The following FHIT variants were observed in gnomAD, a reference collection of about 807,000 sequenced individuals.
FHIT encodes fragile histidine triad diadenosine triphosphatase, also known as bis(5'-adenosyl)-triphosphatase.
In FHIT, 19 loss-of-function variants were observed where a neutral mutation model predicts 17.9. The observed-to-expected ratio is 1.06, with a 90% CI of 0.74 to 1.56. FHIT has a LOEUF of 1.56. Ranked by LOEUF, FHIT falls within the 40% of genes most tolerant of loss-of-function variation. The pLI, the probability that FHIT is intolerant of heterozygous loss-of-function variation, is 0.00. For missense variants in FHIT, 248 were observed against 189.2 expected (o/e 1.31, Z -1.82); for synonymous variants, 81 against 69.7 (o/e 1.16, Z -0.81).
chr3:60,889,592 G>C (rs1240625553), intron 3 of FHIT, among the ~76,000 whole-genome samples: 1 of 152,138 alleles, frequency 6.6e-6, no homozygotes, highest in Non-Finnish European at 1.5e-5. Flanking sequence ...TTTACCAGTG[G>C]AGGCAATAGT....
intron 7 of FHIT, among the ~76,000 whole-genome samples, chr3:59,977,336 G>A (rs529912503): frequency 9.9e-5 from 15 of 152,190 alleles, no homozygotes; most frequent in African/African-American, 3.1e-4. Context: ...TAGCAAAGAT[G>A]ACTACAATTT....
At chr3:60,544,175 T>C (rs1250046436) in intron 4 of FHIT, among the ~76,000 whole-genome samples, 1 of 151,916 alleles carries the variant, frequency 6.6e-6, no homozygotes, top group Non-Finnish European at 1.5e-5. Flanking sequence ...TATGTGGTAA[T>C]GTATTGAGAA....
chr3:61,121,046 A>G (rs1404234733), intron 2 of FHIT, among the ~76,000 whole-genome samples: 1 of 151,966 alleles, frequency 6.6e-6, no homozygotes, highest in East Asian at 2.0e-4. Flanking sequence ...GATTAGAGAA[A>G]AAAGAATGAA....
At chr3:59,890,924 G>C (rs910851493) in intron 8 of FHIT, among the ~76,000 whole-genome samples, 2 of 152,060 alleles carry the variant, frequency 1.3e-5, no homozygotes, top group Non-Finnish European at 2.9e-5. Flanking sequence ...TTATCATTCT[G>C]AAGAACAAAG....
chr3:60,955,613 T>TATATACATATATATATATATAC (rs1559862322), intron 3 of FHIT, among the ~76,000 whole-genome samples: 158 of 13,314 alleles, frequency 0.012, 9 homozygotes, highest in African/African-American at 0.019. Context: ...TATATATATA[T>TATATACATATATATATATATAC]ATATATATAT....
intron 5 of FHIT, among the ~76,000 whole-genome samples, chr3:60,518,035 A>G (rs1237258286): frequency 6.6e-6 from 1 of 152,234 alleles, no homozygotes; most frequent in East Asian, 1.9e-4. Context: ...CTAGCAAAAT[A>G]AAAATTAGAA....
intron 5 of FHIT, among the ~76,000 whole-genome samples, chr3:60,070,140 G>A (rs1702701840): frequency 1.3e-5 from 2 of 152,140 alleles, no homozygotes; most frequent in Admixed American, 6.5e-5. Flanking sequence ...ACAGGGCTCA[G>A]GATCACCTGG....
At chr3:60,088,494 C>T (rs1703594034) in intron 5 of FHIT, among the ~76,000 whole-genome samples, 1 of 152,192 alleles carries the variant, frequency 6.6e-6, no homozygotes, top group African/African-American at 2.4e-5. Flanking sequence ...GCCCGAGTAT[C>T]ATCCTACATC....
chr3:60,206,182 T>C (rs1355596021), intron 5 of FHIT, among the ~76,000 whole-genome samples: 1 of 149,800 alleles, frequency 6.7e-6, no homozygotes, highest in Non-Finnish European at 1.5e-5. Flanking sequence ...ATTATAACAC[T>C]TAAAAATGAG....
intron 4 of FHIT, among the ~76,000 whole-genome samples, chr3:60,785,960 A>G: frequency 6.7e-6 from 1 of 149,688 alleles, no homozygotes; most frequent in East Asian, 2.0e-4. Context: ...CAAGATTAGT[A>G]ACAAAGAGAT....
chr3:61,179,269 A>G (rs2038257011), intron 2 of FHIT, among the ~76,000 whole-genome samples: 1 of 152,060 alleles, frequency 6.6e-6, no homozygotes, highest in South Asian at 2.1e-4. Context: ...CGGCCTCCCG[A>G]AGTGCTGGGA....
Position 60,339,145 on chromosome 3 carries a change from T to A in FHIT, c.103+197715A>T, listed in dbSNP as rs906698266. ...AAGTATGTATGCACATATGCATATG[T>A]GTGTTTATATATAAAATGAGTGATT... On this transcript the variant is annotated intron_variant, in intron 5 of 9. Transcript: ENST00000492590. Among the ~76,000 whole-genome samples, 7 of 152,224 alleles carry A rather than the reference T, an allele frequency of 4.6e-5. 1 individual carries two copies.
intron 4 of FHIT, among the ~76,000 whole-genome samples, chr3:60,659,427 A>T (rs1553690505): frequency 6.7e-6 from 1 of 150,102 alleles, no homozygotes; most frequent in Non-Finnish European, 1.5e-5. Context: ...GGTCTGCTTC[A>T]TGGTGTCCAG....
At chr3:60,244,003 G>A (rs1004573894) in intron 5 of FHIT, among the ~76,000 whole-genome samples, 1 of 151,936 alleles carries the variant, frequency 6.6e-6, no homozygotes, top group African/African-American at 2.4e-5. Flanking sequence ...AACTCAGACA[G>A]GTCTTACACC....
intron 3 of FHIT, among the ~76,000 whole-genome samples, chr3:60,955,588 A>G (rs28496326): frequency 0.18 from 6,784 of 38,224 alleles, 294 homozygotes; most frequent in Middle Eastern, 0.25. Context: ...CTGCTTAGGC[A>G]TATATATACA....
At chr3:59,973,501 A>G (rs1708277283) in intron 7 of FHIT, among the ~76,000 whole-genome samples, 1 of 152,002 alleles carries the variant, frequency 6.6e-6, no homozygotes, top group South Asian at 2.1e-4. Context: ...TTACAACCCA[A>G]TTCAATCATG....
chr3:61,015,811 T>G (rs532172483), intron 3 of FHIT, among the ~76,000 whole-genome samples: 1 of 152,114 alleles, frequency 6.6e-6, no homozygotes, highest in African/African-American at 2.4e-5. Flanking sequence ...CTTTTTTACT[T>G]GAGGGTCAAG....
intron 4 of FHIT, among the ~76,000 whole-genome samples, chr3:60,635,507 C>A (rs1336319785): frequency 3.3e-5 from 5 of 152,140 alleles, no homozygotes; most frequent in Admixed American, 2.6e-4. Context: ...TACCTGGCTC[C>A]ATTTGTCTTC....
intron 4 of FHIT, among the ~76,000 whole-genome samples, chr3:60,636,545 A>G (rs1308855742): frequency 1.3e-5 from 2 of 152,186 alleles, no homozygotes; most frequent in Non-Finnish European, 2.9e-5. Flanking sequence ...CCTATGTAGT[A>G]AGAGAAAATA....
Sources: allele counts gnomAD v4.1 joint callset (sites outside exome capture counted in the v4.1 genomes callset), GRCh38; gene constraint gnomAD v4.1.1; transcripts MANE v1.5; gene names NCBI Gene and HGNC (gene_info 2026-07-23, HGNC 2026-07-21).